Variants in ENPP6 observed in about 807,000 individuals in gnomAD.
The protein encoded by ENPP6 is ectonucleotide pyrophosphatase/phosphodiesterase 6, also known as glycerophosphocholine cholinephosphodiesterase ENPP6.
Under a neutral mutation model 42.0 loss-of-function variants are expected in ENPP6, and 32 were observed. That is an observed-to-expected ratio of 0.76 (90% confidence interval 0.58 to 1.02). The LOEUF is 1.02. Among genes scored for constraint, ENPP6 ranks in the 50% least tolerant of loss-of-function variants. The pLI is 0.00. For synonymous variants in ENPP6, 213 were observed against 216.0 expected (o/e 0.99, Z 0.12); for missense variants, 552 against 566.8 (o/e 0.97, Z 0.27).
At position 184,137,994 on chromosome 4, in the gene ENPP6, A is replaced by G. The variant is rs114480862; in HGVS notation, c.422-13722T>C. ...GTTCCTGGAGAGATGCATTGTTTCA[A>G]AACAACTTAGCTGGGCATTGTACCA... is the stretch of plus-strand genomic sequence containing the variant. On this transcript the variant is annotated intron_variant, in intron 2 of 7. Transcript: ENST00000296741. 4.1e-3 allele frequency among the ~76,000 whole-genome samples: 617 copies of G among 152,340 alleles called. 5 individuals are homozygous for G. The highest frequency in any genetic ancestry group is 0.014 in the African/African-American group (586 of 41,580).
At chr4:184,129,594 T>C (rs4370177) in intron 2 of ENPP6, among the ~76,000 whole-genome samples, 107,588 of 152,012 alleles carry the variant, frequency 0.71, 38,677 homozygotes, top group African/African-American at 0.83. Flanking sequence ...GCCTAGCAAA[T>C]CACTGCTAGA....
intron 1 of ENPP6, among the ~76,000 whole-genome samples, chr4:184,176,378 C>G (rs1296952274): frequency 6.6e-6 from 1 of 152,122 alleles, no homozygotes; most frequent in African/African-American, 2.4e-5. Context: ...CTATAATTAC[C>G]CTCTTCTTAA....
At chr4:184,119,686 C>T (rs572866696) in intron 3 of ENPP6, among the ~76,000 whole-genome samples, 3 of 152,088 alleles carry the variant, frequency 2.0e-5, no homozygotes, top group South Asian at 4.2e-4. Context: ...CTCCCATAGT[C>T]CCCATGTGTT....
intron 1 of ENPP6, among the ~76,000 whole-genome samples, chr4:184,179,687 C>A (rs576288788): frequency 6.7e-6 from 1 of 149,404 alleles, no homozygotes; most frequent in South Asian, 2.2e-4. Flanking sequence ...GACAACAGCA[C>A]AATCAAATTA....
chr4:184,183,075 A>T (rs1401278557), intron 1 of ENPP6, among the ~76,000 whole-genome samples: 1 of 152,208 alleles, frequency 6.6e-6, no homozygotes, highest in Non-Finnish European at 1.5e-5. Context: ...AGGATAAATG[A>T]GTTTATAAAT....
At chr4:184,197,433 A>C (rs1001419258) in intron 1 of ENPP6, among the ~76,000 whole-genome samples, 1 of 152,208 alleles carries the variant, frequency 6.6e-6, no homozygotes, top group Non-Finnish European at 1.5e-5. Context: ...CTCAGGCAAA[A>C]AGGGCAACTT....
At chr4:184,135,398 T>C (rs1163433715) in intron 2 of ENPP6, among the ~76,000 whole-genome samples, 3 of 152,192 alleles carry the variant, frequency 2.0e-5, no homozygotes, top group African/African-American at 7.2e-5. Context: ...AATTTAGAAC[T>C]GTTACATCTT....
chr4:184,215,638 G>A (rs923820930), intron 1 of ENPP6, among the ~76,000 whole-genome samples: 3 of 152,188 alleles, frequency 2.0e-5, no homozygotes, highest in Non-Finnish European at 4.4e-5. Context: ...CCTCCCTTGT[G>A]CAGGGTAGCT....
intron 2 of ENPP6, among the ~76,000 whole-genome samples, chr4:184,130,325 G>A (rs953612391): frequency 1.1e-4 from 17 of 151,288 alleles, no homozygotes; most frequent in Non-Finnish European, 2.1e-4. Context: ...TTGGGAGGCC[G>A]AGGTGGGTGG....
At chr4:184,181,962 T>C (rs1026847775) in intron 1 of ENPP6, among the ~76,000 whole-genome samples, 3 of 152,120 alleles carry the variant, frequency 2.0e-5, no homozygotes, top group Non-Finnish European at 2.9e-5. Context: ...AAAGATTTCA[T>C]GATGAAAACG....
intron 1 of ENPP6, among the ~76,000 whole-genome samples, chr4:184,210,038 A>G (rs1476342032): frequency 2.6e-5 from 4 of 151,112 alleles, no homozygotes; most frequent in South Asian, 2.1e-4. Flanking sequence ...GCAAATGCTG[A>G]GAGATTTTGT....
chr4:184,109,186 G>C (rs1459091555), intron 6 of ENPP6, among the ~76,000 whole-genome samples: 7 of 152,078 alleles, frequency 4.6e-5, no homozygotes, highest in African/African-American at 1.4e-4. Flanking sequence ...ACTCCAGCCT[G>C]GGTGACAGAG....
intron 3 of ENPP6, among the ~76,000 whole-genome samples, chr4:184,123,648 G>A (rs557758667): frequency 6.6e-6 from 1 of 152,276 alleles, no homozygotes; most frequent in East Asian, 1.9e-4. Flanking sequence ...CTATACAAGA[G>A]AGCATTACTA....
chr4:184,172,336 C>T (rs561959722), intron 1 of ENPP6, among the ~76,000 whole-genome samples: 129 of 152,178 alleles, frequency 8.5e-4, no homozygotes, highest in African/African-American at 2.9e-3. Context: ...CAGTCTTCCA[C>T]GCAGGAGAGA....
At chr4:184,099,284 C>T (rs1735961283) in intron 6 of ENPP6, among the ~76,000 whole-genome samples, 1 of 152,228 alleles carries the variant, frequency 6.6e-6, no homozygotes, top group Non-Finnish European at 1.5e-5. Context: ...GGAGTGTGGC[C>T]AGACACAAAG....
chr4:184,123,101 T>A (rs145771239), intron 3 of ENPP6, among the ~76,000 whole-genome samples: 85 of 152,314 alleles, frequency 5.6e-4, no homozygotes, highest in African/African-American at 2.0e-3. Flanking sequence ...TTGATAGGTT[T>A]CGTGGAAGTG....
chr4:184,187,473 C>G (rs755833206), intron 1 of ENPP6, among the ~76,000 whole-genome samples: 21 of 152,354 alleles, frequency 1.4e-4, no homozygotes, highest in Admixed American at 2.6e-4. Context: ...GCTACACTGG[C>G]TCTTGGCTTC....
At chr4:184,145,259 C>T (rs547988275) in intron 2 of ENPP6, among the ~76,000 whole-genome samples, 1 of 152,336 alleles carries the variant, frequency 6.6e-6, no homozygotes, top group Middle Eastern at 3.4e-3. Flanking sequence ...TCCTCTCTTC[C>T]GCCCTTCCTC....
intron 1 of ENPP6, among the ~76,000 whole-genome samples, chr4:184,205,893 A>G (rs1732988076): frequency 6.6e-6 from 1 of 152,138 alleles, no homozygotes; most frequent in Admixed American, 6.5e-5. Flanking sequence ...AGTAAAGTAA[A>G]AGGAAACTGA....
Sources: allele counts gnomAD v4.1 joint callset (sites outside exome capture counted in the v4.1 genomes callset), GRCh38; gene constraint gnomAD v4.1.1; transcripts MANE v1.5; gene names NCBI Gene and HGNC (gene_info 2026-07-23, HGNC 2026-07-21).